FMN1: variants seen among roughly 807,000 people sequenced by gnomAD.
FMN1 encodes formin 1, also known as formin-1.
Under a neutral mutation model 132.4 loss-of-function variants are expected in FMN1, and 110 were observed. That is an observed-to-expected ratio of 0.83 (90% CI 0.71 to 0.97). The LOEUF is 0.97. Ranked by LOEUF, FMN1 falls within the 50% of genes least tolerant of loss-of-function variation. The pLI, the probability that FMN1 is intolerant of heterozygous loss-of-function variation, is 0.00. For missense variants in FMN1, 1,792 were observed against 1,705.3 expected, an observed-to-expected ratio of 1.05 and a Z score of -0.90; for synonymous variants, 722 against 651.7, an observed-to-expected ratio of 1.11 and a Z score of -1.64.
chr15:32,829,501 A>G (rs1596028636), intron 17 of FMN1, among the ~76,000 whole-genome samples: 1 of 152,288 alleles, frequency 6.6e-6, no homozygotes, highest in Middle Eastern at 3.4e-3. Flanking sequence ...TAAGGGCTCT[A>G]TATGTGGCTG....
intron 7 of FMN1, among the ~76,000 whole-genome samples, chr15:32,992,609 T>C (rs1049607805): frequency 1.3e-5 from 2 of 152,320 alleles, no homozygotes; most frequent in Middle Eastern, 6.8e-3. Flanking sequence ...ATAAGACATA[T>C]GTTTAACAAA....
intron 4 of FMN1, among the ~76,000 whole-genome samples, chr15:33,128,829 C>T (rs536888554): frequency 6.6e-5 from 10 of 152,248 alleles, no homozygotes; most frequent in Middle Eastern, 3.2e-3. Flanking sequence ...AACAAAGCCT[C>T]CGCAATGCGG....
At chr15:33,003,952 C>T (rs1273300618) in intron 7 of FMN1, among the ~76,000 whole-genome samples, 2 of 152,086 alleles carry the variant, frequency 1.3e-5, no homozygotes, top group East Asian at 1.9e-4. Context: ...GAAAGGAATC[C>T]CTATTTAATA....
At chr15:32,845,408 G>A (rs2058833205) in intron 17 of FMN1, among the ~76,000 whole-genome samples, 1 of 152,184 alleles carries the variant, frequency 6.6e-6, no homozygotes, top group South Asian at 2.1e-4. Context: ...AGGAATCTTT[G>A]AGGTTAAGCT....
At chr15:32,949,987 A>G (rs1440337668) in intron 9 of FMN1, among the ~76,000 whole-genome samples, 14 of 50,266 alleles carry the variant, frequency 2.8e-4, no homozygotes, top group African/African-American at 1.9e-3. Context: ...ATACACACAC[A>G]TATATATACA....
At chr15:33,097,029 C>T (rs941577706) in intron 4 of FMN1, among the ~76,000 whole-genome samples, 1 of 152,138 alleles carries the variant, frequency 6.6e-6, no homozygotes, top group African/African-American at 2.4e-5. Context: ...CACAGCGGCT[C>T]ATGCCTGTAA....
At chr15:33,038,952 T>C (rs2036304423) in intron 6 of FMN1, among the ~76,000 whole-genome samples, 1 of 152,148 alleles carries the variant, frequency 6.6e-6, no homozygotes, top group Non-Finnish European at 1.5e-5. Flanking sequence ...ATATACAAAA[T>C]GTGTGGGTAT....
intron 5 of FMN1, among the ~76,000 whole-genome samples, chr15:33,087,840 T>TAC (rs933922015): frequency 2.0e-5 from 3 of 151,734 alleles, no homozygotes; most frequent in African/African-American, 7.3e-5. Flanking sequence ...TACATATACA[T>TAC]ACACACACAT....
intron 6 of FMN1, among the ~76,000 whole-genome samples, chr15:33,016,994 T>A (rs889347249): frequency 1.3e-5 from 2 of 152,196 alleles, no homozygotes; most frequent in African/African-American, 4.8e-5. Context: ...GAATAATAAA[T>A]CTTTTCATGC....
intron 4 of FMN1, among the ~76,000 whole-genome samples, chr15:33,132,575 C>A (rs1156820758): frequency 6.6e-6 from 1 of 152,130 alleles, no homozygotes; most frequent in African/African-American, 2.4e-5. Context: ...ATATTATATG[C>A]ATGTATTATA....
intron 16 of FMN1, among the ~76,000 whole-genome samples, chr15:32,861,164 T>C (rs895438400): frequency 6.6e-6 from 1 of 152,234 alleles, no homozygotes; most frequent in African/African-American, 2.4e-5. Flanking sequence ...TTGTTTTTCA[T>C]GAACGTAGTA....
chr15:33,175,300 C>T lies in FMN1; in HGVS notation c.-132+4898G>A, dbSNP rs141576809. ...CCCAGGCTGGGGTCAAATTCCTAGG[C>T]TCAAGTGACCCGCCTGCCTTGGCCT... On this transcript the variant is annotated intron_variant, in intron 3 of 20. Coordinates refer to ENST00000616417, the MANE Select transcript of FMN1 (RefSeq NM_001277313.2). 9.9e-3 allele frequency among the ~76,000 whole-genome samples: 1,508 copies of T among 152,262 alleles called. 12 individuals carry two copies. Among genetic ancestry groups the T allele is most frequent in the Middle Eastern group, 0.014 (4 of 294 alleles).
Position 32,768,822 on chromosome 15 carries a change from A to G in FMN1, c.*5488T>C, listed in dbSNP as rs1361979954. 6.6e-6 allele frequency: 1 copy of G among 152,262 alleles called. No homozygotes were observed. Among genetic ancestry groups the G allele is most frequent in the South Asian group, 2.1e-4 (1 of 4,838 alleles). The allele number at this position is 152,262 out of a possible 1,614,324, so 9.4% of individuals were successfully genotyped here. A position where few individuals can be genotyped will look rare whatever the true frequency, so the allele number is the denominator to read the frequency against. The stretch of plus-strand genomic sequence containing the variant: ...AATTACATAAGCGTAGAGGGAATGT[A>G]GAAAAATAAATTGATGGCTATATCT... On this transcript the variant is annotated 3_prime_UTR_variant, in exon 21 of 21. Coordinates refer to ENST00000616417, the MANE Select transcript of FMN1 (RefSeq NM_001277313.2).
chr15:32,772,662 T>C lies in FMN1; in HGVS notation c.*1648A>G, dbSNP rs1478605152. The C allele has an allele frequency of 6.6e-6, 1 of 152,240 alleles. No individual in the cohort carries two copies. Among genetic ancestry groups the C allele is most frequent in the Admixed American group, 6.5e-5 (1 of 15,288 alleles). The allele number at this position is 152,240 out of a possible 1,614,324, so 9.4% of individuals were successfully genotyped here. A position where few individuals can be genotyped will look rare whatever the true frequency, so the allele number is the denominator to read the frequency against. ...ATCCAACCATGTTACCATATTCCTT[T>C]CAGTTGCACCAGTAGAAAAGGCGGT... On this transcript the variant is annotated 3_prime_UTR_variant, in exon 21 of 21. Coordinates refer to ENST00000616417, the MANE Select transcript of FMN1 (RefSeq NM_001277313.2).
intron 9 of FMN1, among the ~76,000 whole-genome samples, chr15:32,936,103 A>G (rs1019160483): frequency 3.3e-5 from 5 of 151,796 alleles, no homozygotes; most frequent in South Asian, 2.1e-4. Flanking sequence ...AATATTTTCT[A>G]TTTCTTTGTT....
intron 4 of FMN1, among the ~76,000 whole-genome samples, chr15:33,118,289 C>T (rs1595511125): frequency 6.6e-6 from 1 of 152,200 alleles, no homozygotes; most frequent in Middle Eastern, 3.4e-3. Flanking sequence ...AATAACTTTC[C>T]TTATAGTTTA....
chr15:33,033,170 A>G (rs542763844), intron 6 of FMN1, among the ~76,000 whole-genome samples: 1 of 152,198 alleles, frequency 6.6e-6, no homozygotes, highest in African/African-American at 2.4e-5. Context: ...AGCTGGGACT[A>G]CAGGTGCCCG....
intron 9 of FMN1, among the ~76,000 whole-genome samples, chr15:32,931,814 T>C (rs1003347578): frequency 1.2e-4 from 19 of 152,208 alleles, no homozygotes; most frequent in African/African-American, 4.3e-4. Flanking sequence ...ACCTTGATTA[T>C]AATATTAGCT....
At chr15:33,024,652 G>A (rs1442689060) in intron 6 of FMN1, among the ~76,000 whole-genome samples, 1 of 152,142 alleles carries the variant, frequency 6.6e-6, no homozygotes, top group African/African-American at 2.4e-5. Flanking sequence ...TCACTTTAGA[G>A]AACATTTTGA....
Sources: gnomAD v4.1 joint callset for allele counts (sites outside exome capture counted in the v4.1 genomes callset) on GRCh38, gnomAD v4.1.1 for gene constraint, MANE v1.5 for transcripts, NCBI Gene and HGNC (gene_info 2026-07-23, HGNC 2026-07-21) for gene names.